AFAP1L2: variants seen among roughly 807,000 people sequenced by gnomAD.
AFAP1L2 encodes the protein actin filament-associated protein 1-like 2.
AFAP1L2 carries 46 observed loss-of-function variants against 99.3 expected under a neutral mutation model. The ratio of observed to expected loss-of-function variants is 0.46; its 90% CI spans 0.37 to 0.59. The LOEUF (loss-of-function observed/expected upper bound fraction) is 0.59, where lower values mean the gene tolerates loss of function less well. AFAP1L2 is among the 20% of genes least tolerant of loss of function. AFAP1L2 has a pLI of 0.00. For missense variants in AFAP1L2, 959 were observed against 1,034.9 expected (o/e 0.93, Z 1.01); for synonymous variants, 397 against 419.1 (o/e 0.95, Z 0.64).
At chr10:114,296,536 C>A (rs1394262627) in intron 18 of AFAP1L2, 1 of 214,738 alleles carries the variant, frequency 4.7e-6, no homozygotes, top group Non-Finnish European at 9.4e-6. Flanking sequence ...TCATTCACAA[C>A]TTGCTGAGAA....
the AFAP1L2 span, chr10:114,289,408 C>T: frequency 3.7e-6 from 6 of 1,614,194 alleles, no homozygotes; most frequent in Non-Finnish European, 4.2e-6. Flanking sequence ...GCTTGCAGGT[C>T]CCCGGGATTC....
At chr10:114,328,614 G>C (rs191970962) in intron 4 of AFAP1L2, among the ~76,000 whole-genome samples, 51 of 152,336 alleles carry the variant, frequency 3.3e-4, no homozygotes, top group South Asian at 1.9e-3. Flanking sequence ...ACAGATGTTT[G>C]TTGGCCACGG....
In AFAP1L2 at chr10:114,344,447, A is replaced by T. The variant is rs144326888; in HGVS notation, c.17-3716T>A. Among the ~76,000 whole-genome samples the T allele has an allele frequency of 8.1e-3, 1,229 of 152,268 alleles. 19 individuals carry two copies. The highest frequency in any genetic ancestry group is 0.028 in the African/African-American group (1,165 of 41,536). ...CCCTCTGCTGCCACTTCAAAAAAAA[A>T]CCCATAAAAACTGTAAGTATCTTTT... On this transcript the variant is annotated intron_variant, in intron 1 of 18. Transcript: ENST00000304129.
chr10:114,340,799 T>A, intron 1 of AFAP1L2, 68 bp from the exon 2 acceptor site: 2 of 1,607,484 alleles, frequency 1.2e-6, no homozygotes, highest in Non-Finnish European at 1.7e-6. Flanking sequence ...CAGATACACC[T>A]CGGGACCCTG....
At chr10:114,404,559 G>T, upstream of AFAP1L2, 2 of 1,387,492 alleles carry the variant, frequency 1.4e-6, no homozygotes, top group South Asian at 1.6e-5. Flanking sequence ...GTGAGGTCAC[G>T]CTCGCGGCCG....
chr10:114,293,237 C>T (rs931655291), downstream of AFAP1L2, among the ~76,000 whole-genome samples: 25 of 152,184 alleles, frequency 1.6e-4, no homozygotes, highest in Admixed American at 6.5e-5. Context: ...CAGAAGACAA[C>T]GTCCGGGGCA....
intron 1 of AFAP1L2, among the ~76,000 whole-genome samples, chr10:114,349,447 G>C (rs1311812908): frequency 1.3e-5 from 2 of 150,736 alleles, no homozygotes; most frequent in Non-Finnish European, 3.0e-5. Context: ...GACTGAGCCA[G>C]GTGTGGTGGC....
At chr10:114,375,476 A>G (rs1351231171) in intron 1 of AFAP1L2, among the ~76,000 whole-genome samples, 2 of 152,218 alleles carry the variant, frequency 1.3e-5, no homozygotes, top group Non-Finnish European at 2.9e-5. Flanking sequence ...AAATATAATA[A>G]TAATACTTTA....
intron 10 of AFAP1L2, among the ~76,000 whole-genome samples, chr10:114,305,378 A>G (rs2530329): frequency 0.18 from 14,174 of 77,672 alleles, 1,237 homozygotes; most frequent in East Asian, 0.33. Context: ...GCTGCAGGAG[A>G]GAGCGGGGCT....
At chr10:114,287,737 A>C in the AFAP1L2 span, among the ~76,000 whole-genome samples, 1 of 152,178 alleles carries the variant, frequency 6.6e-6, no homozygotes, top group South Asian at 2.1e-4. Context: ...AATAATTGAC[A>C]ATAGTGGAGA....
intron 2 of AFAP1L2, 95 bp downstream of exon 2, chr10:114,340,508 C>T (rs1202747958): frequency 8.2e-6 from 12 of 1,463,266 alleles, no homozygotes; most frequent in African/African-American, 1.4e-5. Context: ...ATTTATAGCA[C>T]CCAGCCTGTG....
In AFAP1L2 at chr10:114,329,424, C is replaced by T. The variant is rs78529995; in HGVS notation, c.315+2379G>A. Among the ~76,000 whole-genome samples the T allele has an allele frequency of 4.1e-3, 629 of 152,328 alleles. 4 individuals carry two copies. Among genetic ancestry groups the T allele is most frequent in the African/African-American group, 0.015 (611 of 41,574 alleles). ...TAGAACACTCACACAGTACGCGGTG[C>T]TCATGAAACTCTGCCCCTACCCACC... is the stretch of plus-strand genomic sequence containing the variant. On this transcript the variant is annotated intron_variant, in intron 4 of 18. Coordinates refer to ENST00000304129, the MANE Select transcript of AFAP1L2 (RefSeq NM_001001936.3).
At position 114,355,256 on chromosome 10, in the gene AFAP1L2, CTTT is replaced by C. The variant is rs35562783; in HGVS notation, c.17-14528_17-14526del. On this transcript the variant is annotated intron_variant, in intron 1 of 18. Coordinates refer to ENST00000304129, the MANE Select transcript of AFAP1L2 (RefSeq NM_001001936.3). ...AGAAGCCTTTCTCTTCTCGCTCTCT[CTTT>C]TTTTTTTTTTTTTGAGACGGAGTCT... Among the ~76,000 whole-genome samples, 86 of 133,092 alleles carry C rather than the reference CTTT, an allele frequency of 6.5e-4. 1 individual carries two copies. The highest frequency in any genetic ancestry group is 2.1e-3 in the African/African-American group (75 of 35,912). The allele number at this position is 133,092 out of a possible 152,430, so 87.3% of individuals were successfully genotyped here.
the AFAP1L2 span, chr10:114,289,275 G>T: frequency 1.2e-6 from 2 of 1,614,074 alleles, no homozygotes; most frequent in Admixed American, 1.7e-5. Flanking sequence ...CCAAAGCTGT[G>T]GTGGTGCTCA....
rs1301840774 is a variant in AFAP1L2, at chr10:114,376,745, TG to T, written c.16+27694del. 2.0e-5 allele frequency among the ~76,000 whole-genome samples: 3 copies of T among 152,228 alleles called. 1 individual carries two copies. Among genetic ancestry groups the T allele is most frequent in the Non-Finnish European group, 4.4e-5 (3 of 68,040 alleles). Reference sequence around the variant, plus strand: ...TTGCTGAACTCGTTACATCCAGAACTGTCGACACTCAGTTAAAAACACTCAC... The same window carrying T: ...TTGCTGAACTCGTTACATCCAGAACTTCGACACTCAGTTAAAAACACTCAC... On this transcript the variant is annotated intron_variant, in intron 1 of 18. Coordinates refer to ENST00000304129, the MANE Select transcript of AFAP1L2 (RefSeq NM_001001936.3).
chr10:114,394,522 T>C (rs143172469), intron 1 of AFAP1L2, among the ~76,000 whole-genome samples: 36 of 151,898 alleles, frequency 2.4e-4, no homozygotes, highest in African/African-American at 8.2e-4. Flanking sequence ...TTCTTTGGAC[T>C]CAAGATCCAG....
At chr10:114,388,286 AACACAC>A (rs57067006) in intron 1 of AFAP1L2, among the ~76,000 whole-genome samples, 1 of 150,088 alleles carries the variant, frequency 6.7e-6, no homozygotes, top group Non-Finnish European at 1.5e-5. Flanking sequence ...AGCCCTCATG[AACACAC>A]ACACACACAC....
At chr10:114,303,602 C>T (rs533655933) in intron 11 of AFAP1L2, among the ~76,000 whole-genome samples, 2 of 152,346 alleles carry the variant, frequency 1.3e-5, no homozygotes, top group Admixed American at 6.5e-5. Flanking sequence ...CCATCATGCC[C>T]GGCCCCCACT....
At chr10:114,368,765 ACAACACACACAC>A (rs1255797263) in intron 1 of AFAP1L2, among the ~76,000 whole-genome samples, 1 of 112,816 alleles carries the variant, frequency 8.9e-6, no homozygotes, top group Non-Finnish European at 1.8e-5. Context: ...AAGTGTCCTT[ACAACACACACAC>A]ACACACACAC....
Sources: gnomAD v4.1 joint callset for allele counts (sites outside exome capture counted in the v4.1 genomes callset) on GRCh38, gnomAD v4.1.1 for gene constraint, MANE v1.5 for transcripts, NCBI Gene and HGNC (gene_info 2026-07-23, HGNC 2026-07-21) for gene names.